The following ICAM2 variants were observed in gnomAD, a reference collection of about 807,000 sequenced individuals.
The protein encoded by ICAM2 is intercellular adhesion molecule 2, also known as ICAM-2.
In ICAM2, 14 loss-of-function variants were observed where a neutral mutation model predicts 19.1. The observed-to-expected ratio is 0.73, with a 90% CI of 0.48 to 1.15. The LOEUF (loss-of-function observed/expected upper bound fraction) is 1.15, where lower values mean the gene tolerates loss of function less well. ICAM2 is among the 50% of genes most tolerant of loss of function. The pLI is 0.00. For synonymous variants in ICAM2, 153 were observed against 152.7 expected, an observed-to-expected ratio of 1.00 and a Z score of -0.01; for missense variants, 311 against 355.4, an observed-to-expected ratio of 0.88 and a Z score of 1.00.
chr17:64,015,861 A>ATT (rs556830083), intron 1 of ICAM2, among the ~76,000 whole-genome samples: 3 of 143,220 alleles, frequency 2.1e-5, no homozygotes, highest in Non-Finnish European at 3.2e-5. Flanking sequence ...CTTTAAAAAA[A>ATT]ATTATTATTA....
At chr17:64,019,420 A>AATAAATAC (rs1489215451) in intron 1 of ICAM2, among the ~76,000 whole-genome samples, 1 of 151,742 alleles carries the variant, frequency 6.6e-6, no homozygotes, top group Non-Finnish European at 1.5e-5. Context: ...TAAATAAATA[A>AATAAATAC]ATAGAGATGC....
chr17:64,005,166 T>C lies in ICAM2; in HGVS notation c.269A>G (p.Gln90Arg). Residue 90 changes from glutamine to arginine, a missense_variant, in exon 3 of 5, where the codon CAA (glutamine) becomes CGA (arginine). Gln to Arg is a conservative substitution (Grantham distance 43). Transcript: ENST00000579788. Reference protein sequence around the residue: ...VSNISHDTVLQCHFTCSGKQE... With the variant: ...VSNISHDTVLRCHFTCSGKQE... ...CTTCCCGGAGCAGGTGAAGTGGCAT[T>C]GGAGGACCGTGTCATGGGAGATGTT... 6.2e-7 allele frequency: 1 copy of C among 1,614,130 alleles called. No individual in the cohort carries two copies. The highest frequency in any genetic ancestry group is 8.5e-7 in the Non-Finnish European group (1 of 1,179,998).
chr17:64,019,203 T>C (rs1012959870), intron 1 of ICAM2, among the ~76,000 whole-genome samples: 1 of 152,160 alleles, frequency 6.6e-6, no homozygotes, highest in African/African-American at 2.4e-5. Context: ...AGTAACGCTA[T>C]ATAACTGTTT....
chr17:64,004,064 G>A, intron 3 of ICAM2, 100 bp from the exon 4 acceptor site: 1 of 945,446 alleles, frequency 1.1e-6, no homozygotes, highest in Non-Finnish European at 1.6e-6. Context: ...GTGTTCCACG[G>A]TTGGGGAGGA....
intron 1 of ICAM2, among the ~76,000 whole-genome samples, chr17:64,013,734 C>T (rs1911544480): frequency 2.0e-5 from 3 of 151,944 alleles, no homozygotes; most frequent in African/African-American, 7.3e-5. Context: ...AATAAAGGGT[C>T]AATTCACCAG....
intron 1 of ICAM2, among the ~76,000 whole-genome samples, chr17:64,014,364 AAAGAAAGAAAGAAAGGAAGGAAGG>A (rs1440933335): frequency 1.7e-5 from 1 of 58,724 alleles, no homozygotes; most frequent in African/African-American, 5.6e-5. Flanking sequence ...AGAAAGAAAG[AAAGAAAGAAAGAAAGGAAGGAAGG>A]AAGGAAGGAA....
rs776325283 is a variant in ICAM2, at chr17:64,002,696, C to A, written c.*51G>T. ...GGGCTGGACCTCAACCCTGAGGAGT[C>A]ACACTGAGTTCCAGTGACCACCGTG... On this transcript the variant is annotated 3_prime_UTR_variant, in exon 5 of 5. Transcript: ENST00000579788. 1.9e-6 allele frequency: 3 copies of A among 1,541,440 alleles called. No homozygotes were observed. Among genetic ancestry groups the A allele is most frequent in the Non-Finnish European group, 1.8e-6 (2 of 1,128,038 alleles).
intron 1 of ICAM2, among the ~76,000 whole-genome samples, chr17:64,013,867 A>T (rs764472856): frequency 1.3e-5 from 2 of 152,028 alleles, no homozygotes; most frequent in Non-Finnish European, 2.9e-5. Flanking sequence ...AACCACCATC[A>T]CAACAGGAAA....
At chr17:64,018,573 A>G (rs531491993) in intron 1 of ICAM2, among the ~76,000 whole-genome samples, 1 of 152,098 alleles carries the variant, frequency 6.6e-6, no homozygotes, top group African/African-American at 2.4e-5. Flanking sequence ...GAGAGTGTAT[A>G]TTGGTGCTCT....
chr17:64,006,837 G>A, intron 1 of ICAM2, 102 bp from the exon 2 acceptor site: 1 of 708,414 alleles, frequency 1.4e-6, no homozygotes, highest in East Asian at 2.7e-5. Context: ...GAGATCTTTG[G>A]GAAGCCACGT....
intron 1 of ICAM2, among the ~76,000 whole-genome samples, chr17:64,012,687 C>T (rs943479058): frequency 6.6e-5 from 10 of 152,088 alleles, no homozygotes; most frequent in Non-Finnish European, 2.9e-5. Context: ...GTTGAATCCA[C>T]GTGAATGAAG....
intron 1 of ICAM2, chr17:64,020,316 C>G (rs1006326784): frequency 2.6e-5 from 4 of 152,376 alleles, no homozygotes; most frequent in Non-Finnish European, 4.4e-5. Flanking sequence ...TGCGTGAGCT[C>G]AGAGACCCAG....
rs752090147 is a variant in ICAM2, at chr17:64,002,722, G to C, written c.*25C>G. 2 of 1,601,494 alleles carry C rather than the reference G, an allele frequency of 1.2e-6. No homozygotes were observed. Reference sequence around the variant, plus strand: ...ACACTGAGTTCCAGTGACCACCGTGGTGGTGGCCATGCCACTCATGGTTGC... The same window carrying C: ...ACACTGAGTTCCAGTGACCACCGTGCTGGTGGCCATGCCACTCATGGTTGC... On this transcript the variant is annotated 3_prime_UTR_variant, in exon 5 of 5. Coordinates refer to ENST00000579788, the MANE Select transcript of ICAM2 (RefSeq NM_001099789.2).
At chr17:64,006,952 G>T (rs1442312427) in intron 1 of ICAM2, 12 of 537,726 alleles carry the variant, frequency 2.2e-5, no homozygotes, top group Non-Finnish European at 4.0e-5. Flanking sequence ...CTGACTCCCT[G>T]TGCAAGGGGC....
intron 1 of ICAM2, among the ~76,000 whole-genome samples, chr17:64,013,710 G>C (rs542533614): frequency 5.9e-5 from 9 of 152,244 alleles, no homozygotes; most frequent in African/African-American, 2.2e-4. Context: ...ATTAGGGATA[G>C]AGTGAGTACC....
In ICAM2 at chr17:64,014,597, AAGAAAGGG is replaced by A. The variant is rs199981468; in HGVS notation, c.-45+5918_-45+5925del. Among the ~76,000 whole-genome samples the A allele has an allele frequency of 5.9e-3, 751 of 126,764 alleles. 18 individuals are homozygous for A. The East Asian group carries it at 0.07, about 12-fold the overall frequency. The allele number at this position is 126,764 out of a possible 152,430, so 83.2% of individuals were successfully genotyped here. On this transcript the variant is annotated intron_variant, in intron 1 of 4. Coordinates refer to ENST00000579788, the MANE Select transcript of ICAM2 (RefSeq NM_001099789.2). Reference sequence around the variant, plus strand: ...AAAGGAAGGAAGGAAGGAAGAAAGAAAGAAAGGGAGGGAGGGAGGGAGAGAGAGAGAAA... The same window carrying A: ...AAAGGAAGGAAGGAAGGAAGAAAGAAAGGGAGGGAGGGAGAGAGAGAGAAA...
intron 1 of ICAM2, among the ~76,000 whole-genome samples, chr17:64,014,241 A>G (rs1296816517): frequency 6.6e-6 from 1 of 151,128 alleles, no homozygotes; most frequent in Non-Finnish European, 1.5e-5. Flanking sequence ...TGGGAGGCCA[A>G]GGCAGGAGGA....
In ICAM2 at chr17:64,013,185, G is replaced by A. The variant is rs570725577; in HGVS notation, c.-44-6450C>T. ...AAATTAGCTGGACATGGTGGCGTGT[G>A]CCTGTGGTCTCAGCTACTCAGGAGG... On this transcript the variant is annotated intron_variant, in intron 1 of 4. Transcript: ENST00000579788. 2.6e-5 allele frequency among the ~76,000 whole-genome samples: 4 copies of A among 152,156 alleles called. No homozygotes were observed. The East Asian group carries it at 7.7e-4, about 29-fold the overall frequency.
chr17:64,002,866 G>GATGTGTC lies in ICAM2; in HGVS notation c.708_709insGACACAT (p.Leu237AspfsTer70). 1 of 1,613,928 alleles carries GATGTGTC rather than the reference G, an allele frequency of 6.2e-7. No individual in the cohort carries two copies. The highest frequency in any genetic ancestry group is 8.5e-7 in the Non-Finnish European group (1 of 1,179,966). On this transcript the variant is annotated frameshift_variant, in exon 5 of 5. Transcript: ENST00000579788. LOFTEE classifies it low-confidence loss of function (END_TRUNC). ...CAGAGCAGGACAGATGTCACGAACA[G>GATGTGTC]GGACAGCAACACCGACACCACCGTG...
Sources: gnomAD v4.1 joint callset for allele counts (sites outside exome capture counted in the v4.1 genomes callset) on GRCh38, gnomAD v4.1.1 for gene constraint, MANE v1.5 for transcripts, NCBI Gene and HGNC (gene_info 2026-07-23, HGNC 2026-07-21) for gene names.